RSPH14: variants seen among roughly 807,000 people sequenced by gnomAD.
RSPH14 encodes the protein rhabdoid tumor deletion region gene 1.
Under a neutral mutation model 26.7 loss-of-function variants are expected in RSPH14, and 20 were observed. That is an observed-to-expected ratio of 0.75 (90% CI 0.53 to 1.09). The LOEUF is 1.09. Ranked by LOEUF, RSPH14 falls within the 50% of genes least tolerant of loss-of-function variation. The pLI is 0.00. For synonymous variants in RSPH14, 177 were observed against 189.3 expected, an observed-to-expected ratio of 0.93 and a Z score of 0.53; for missense variants, 449 against 457.2, an observed-to-expected ratio of 0.98 and a Z score of 0.16.
At chr22:23,095,281 G>A (rs944514270) in intron 4 of RSPH14, 13 of 196,122 alleles carry the variant, frequency 6.6e-5, no homozygotes, top group South Asian at 2.2e-4. Flanking sequence ...AGCCGGAGGC[G>A]GGGGGCTGCA....
chr22:23,172,206 AGACAGC>A, the RSPH14 span, among the ~76,000 whole-genome samples: 1 of 152,036 alleles, frequency 6.6e-6, no homozygotes, highest in Non-Finnish European at 1.5e-5. Context: ...TTTCTTTTTC[AGACAGC>A]GTCTGGTTCT....
chr22:23,129,464 G>T (rs1414718803), intron 4 of RSPH14, among the ~76,000 whole-genome samples: 1 of 151,762 alleles, frequency 6.6e-6, no homozygotes, highest in African/African-American at 2.4e-5. Context: ...GGCAGAAAAA[G>T]ACAAGGGGAG....
intron 4 of RSPH14, among the ~76,000 whole-genome samples, chr22:23,070,157 C>T (rs572736817): frequency 2.0e-5 from 3 of 151,976 alleles, no homozygotes; most frequent in South Asian, 4.1e-4. Flanking sequence ...CCCCATTGGG[C>T]TACTGGCCCG....
rs550307533 is a variant in RSPH14 at position 23,123,671 on chromosome 22, T to C, written c.421+10355A>G. ...CACATCTGGAGATGGCAAAATCCTC[T>C]AAAATGTCGAGGTCTCTTGAAGACT... On this transcript the variant is annotated intron_variant, in intron 4 of 6. Transcript: ENST00000216036. 1.0e-4 allele frequency: 57 copies of C among 543,646 alleles called. No homozygotes were observed. The South Asian group carries it at 1.3e-3, about 12-fold the overall frequency. The allele number at this position is 543,646 out of a possible 1,614,324, so 33.7% of individuals were successfully genotyped here. A position where few individuals can be genotyped will look rare whatever the true frequency, so the allele number is the denominator to read the frequency against.
At chr22:23,145,583 C>T (rs941705257), upstream of RSPH14, 5 of 1,582,102 alleles carry the variant, frequency 3.2e-6, no homozygotes, top group East Asian at 2.3e-5. Flanking sequence ...GTCCGACCCT[C>T]CCGGTCACCC....
At chr22:23,065,534 CAAAAAAA>C (rs10562943) in intron 4 of RSPH14, among the ~76,000 whole-genome samples, 3 of 45,158 alleles carry the variant, frequency 6.6e-5, no homozygotes, top group Non-Finnish European at 1.3e-4. Flanking sequence ...GCACAGATTG[CAAAAAAA>C]AAAAAAAAAA....
chr22:23,160,785 A>C, the RSPH14 span: 1 of 1,531,400 alleles, frequency 6.5e-7, no homozygotes, highest in Non-Finnish European at 8.9e-7. Flanking sequence ...CTACGTGCCA[A>C]CCTGAGGGTA....
intron 4 of RSPH14, chr22:23,123,490 C>A: frequency 1.7e-6 from 2 of 1,168,960 alleles, no homozygotes; most frequent in Non-Finnish European, 2.5e-6. Flanking sequence ...CATGCCCCAA[C>A]GCGTGCTAGA....
intron 4 of RSPH14, among the ~76,000 whole-genome samples, chr22:23,117,960 A>G (rs911908621): frequency 2.0e-5 from 3 of 152,212 alleles, no homozygotes; most frequent in African/African-American, 7.2e-5. Context: ...ATGTCCTTCC[A>G]GGTGCCGGAC....
chr22:23,067,278 G>A (rs937659388), intron 4 of RSPH14, among the ~76,000 whole-genome samples: 1 of 152,176 alleles, frequency 6.6e-6, no homozygotes, highest in Non-Finnish European at 1.5e-5. Context: ...TCAGCCAGCT[G>A]TGCCTGCTGG....
chr22:23,149,519 C>A (rs968466189), upstream of RSPH14, among the ~76,000 whole-genome samples: 2 of 152,142 alleles, frequency 1.3e-5, no homozygotes, highest in African/African-American at 2.4e-5. Flanking sequence ...GTTTTTAAAA[C>A]AAAATGTCAT....
At chr22:23,147,652 A>G (rs2070869024), upstream of RSPH14, among the ~76,000 whole-genome samples, 1 of 152,192 alleles carries the variant, frequency 6.6e-6, no homozygotes, top group Non-Finnish European at 1.5e-5. Context: ...TATTTCTAGG[A>G]ATTTACTTGG....
intron 3 of RSPH14, among the ~76,000 whole-genome samples, 176 bp from the exon 4 acceptor site, chr22:23,134,320 T>G (rs2070420848): frequency 6.6e-6 from 1 of 152,004 alleles, no homozygotes; most frequent in Non-Finnish European, 1.5e-5. Context: ...CACCTGAACC[T>G]CCAGGGGAGC....
At chr22:23,165,884 T>C in the RSPH14 span, among the ~76,000 whole-genome samples, 847 of 152,200 alleles carry the variant, frequency 5.6e-3, 7 homozygotes, top group African/African-American at 0.018. Context: ...CAGTGGCTCA[T>C]GCCTGTAATC....
chr22:23,173,249 C>T, the RSPH14 span, among the ~76,000 whole-genome samples: 1 of 152,122 alleles, frequency 6.6e-6, no homozygotes, highest in South Asian at 2.1e-4. Context: ...ATTCTCCTGC[C>T]TCAGCCTCCC....
chr22:23,088,719 C>T lies in RSPH14; in HGVS notation c.422-24586G>A, dbSNP rs566842425. On this transcript the variant is annotated intron_variant, in intron 4 of 6. Transcript: ENST00000216036. ...CCTGGGACAGTGGACACCACTGGTCCCCACATTGAGGCTAGAGAGTCCTGC... is the reference window on the plus strand; with the variant it reads ...CCTGGGACAGTGGACACCACTGGTCTCCACATTGAGGCTAGAGAGTCCTGC... 5.9e-5 allele frequency among the ~76,000 whole-genome samples: 9 copies of T among 152,280 alleles called. 1 individual carries two copies. The East Asian group carries it at 1.7e-3, about 29-fold the overall frequency.
chr22:23,177,521 G>A, the RSPH14 span, among the ~76,000 whole-genome samples: 262 of 152,182 alleles, frequency 1.7e-3, 1 homozygote, highest in African/African-American at 5.9e-3. Flanking sequence ...CTGAGTGGGG[G>A]ATTACAGAGT....
At chr22:23,140,632 C>G (rs1179520603) in intron 1 of RSPH14, among the ~76,000 whole-genome samples, 160 bp from the exon 2 acceptor site, 1 of 152,188 alleles carries the variant, frequency 6.6e-6, no homozygotes, top group Non-Finnish European at 1.5e-5. Flanking sequence ...TGCTCAAAGT[C>G]CCAGTGAAGG....
chr22:23,113,584 C>G (rs1265825616), intron 4 of RSPH14, among the ~76,000 whole-genome samples: 1 of 152,244 alleles, frequency 6.6e-6, no homozygotes, highest in Non-Finnish European at 1.5e-5. Flanking sequence ...CTGATACCAT[C>G]CTTGGAGTGG....
Sources: gnomAD v4.1 joint callset for allele counts (sites outside exome capture counted in the v4.1 genomes callset) on GRCh38, gnomAD v4.1.1 for gene constraint, MANE v1.5 for transcripts, NCBI Gene and HGNC (gene_info 2026-07-23, HGNC 2026-07-21) for gene names.